The following UQCRC2 variants were observed in gnomAD, a reference collection of about 807,000 sequenced individuals.
UQCRC2 encodes ubiquinol-cytochrome c reductase core protein 2, also known as cytochrome b-c1 complex subunit 2, mitochondrial.
Under a neutral mutation model 55.6 loss-of-function variants are expected in UQCRC2, and 49 were observed. That is an observed-to-expected ratio of 0.88 (90% CI 0.70 to 1.12). The LOEUF is 1.12. UQCRC2 is among the 50% of genes most tolerant of loss of function. UQCRC2 has a pLI of 0.00. For synonymous variants in UQCRC2, 193 were observed against 192.0 expected (o/e 1.01, Z -0.04); for missense variants, 506 against 547.8 (o/e 0.92, Z 0.76).
chr16:21,980,789 G>A, intron 13 of UQCRC2, 89 bp downstream of exon 13: 2 of 1,487,526 alleles, frequency 1.3e-6, no homozygotes, highest in Admixed American at 1.9e-5. Flanking sequence ...TCCTTGGGCA[G>A]TGTATTATTC....
At chr16:21,972,246 G>T in intron 10 of UQCRC2, 124 bp downstream of exon 10, 1 of 1,263,526 alleles carries the variant, frequency 7.9e-7, no homozygotes, top group Non-Finnish European at 1.1e-6. Context: ...CAATTGAAGA[G>T]ATAGCCAGGC....
intron 1 of UQCRC2, among the ~76,000 whole-genome samples, chr16:21,954,889 CAAA>C (rs542091393): frequency 1.5e-5 from 2 of 129,656 alleles, no homozygotes; most frequent in Non-Finnish European, 3.4e-5. Flanking sequence ...ACTAAAAATA[CAAA>C]AAAAAAAAAA....
intron 1 of UQCRC2, 104 bp from the exon 2 acceptor site, chr16:21,957,131 A>C: frequency 9.6e-7 from 1 of 1,040,580 alleles, no homozygotes. Context: ...TGCTCCTTCC[A>C]CCCCCGAACA....
Position 21,973,756 on chromosome 16 carries a change from G to A in UQCRC2, c.967-140G>A, listed in dbSNP as rs190761094. The A allele has an allele frequency of 7.8e-4, 543 of 696,550 alleles. 3 individuals are homozygous for A. The highest frequency in any genetic ancestry group is 6.1e-3 in the Middle Eastern group (16 of 2,632). 43.1% of individuals were successfully genotyped at this position (696,550 alleles called of 1,614,324 possible). On this transcript the variant is annotated intron_variant, in intron 10 of 13. Coordinates refer to ENST00000268379, the MANE Select transcript of UQCRC2 (RefSeq NM_003366.4). ...ACCTATTTACAGAATACTTCAGTTC[G>A]TGACAGAACTGGCTAAGTAAAATAT...
chr16:21,976,404 G>A, intron 12 of UQCRC2, 161 bp downstream of exon 12: 2 of 629,250 alleles, frequency 3.2e-6, no homozygotes, highest in Admixed American at 6.4e-5. Context: ...AGATATAATT[G>A]TTAACATTTT....
At chr16:21,980,816 T>C in intron 13 of UQCRC2, 116 bp downstream of exon 13, 3 of 1,245,182 alleles carry the variant, frequency 2.4e-6, no homozygotes, top group Non-Finnish European at 3.3e-6. Flanking sequence ...TTGGTGCTCA[T>C]CTACTTAATG....
rs1567482511 is a variant in UQCRC2 at position 21,983,345 on chromosome 16, T to TAA, written c.*175_*176dup. On this transcript the variant is annotated 3_prime_UTR_variant, in exon 14 of 14. Coordinates refer to ENST00000268379, the MANE Select transcript of UQCRC2 (RefSeq NM_003366.4). Reference sequence around the variant, plus strand: ...CCTAAAGTCAATAAAACATTCTGTTTAAGTGTTTTTCTTACGTTTTTCTCA... The same window carrying TAA: ...CCTAAAGTCAATAAAACATTCTGTTTAAAAGTGTTTTTCTTACGTTTTTCTCA... 1.8e-6 allele frequency: 1 copy of TAA among 558,096 alleles called. No homozygotes were observed. The highest frequency in any genetic ancestry group is 3.1e-6 in the Non-Finnish European group (1 of 324,124). The allele number at this position is 558,096 out of a possible 1,614,324, so 34.6% of individuals were successfully genotyped here.
At chr16:21,956,482 T>C (rs1898088508) in intron 1 of UQCRC2, among the ~76,000 whole-genome samples, 2 of 152,098 alleles carry the variant, frequency 1.3e-5, no homozygotes. Flanking sequence ...AGGCAGACAT[T>C]GCAATGACCC....
At chr16:21,960,263 T>C (rs1898169490) in intron 4 of UQCRC2, among the ~76,000 whole-genome samples, 1 of 152,202 alleles carries the variant, frequency 6.6e-6, no homozygotes, top group South Asian at 2.1e-4. Context: ...GCTTCTATAT[T>C]AGCATTTGCT....
At position 21,953,367 on chromosome 16, in the gene UQCRC2, C is replaced by T. The variant is rs1898041858; in HGVS notation, c.-57C>T. On this transcript the variant is annotated 5_prime_UTR_variant, in exon 1 of 14. Transcript: ENST00000268379. ...ACGCTGGGAAACTCCCGGCCTCCGC[C>T]ACCATCTTGCTTTCCTTTAATCCGG... 1 of 1,599,416 alleles carries T rather than the reference C, an allele frequency of 6.3e-7. No individual in the cohort carries two copies. Among genetic ancestry groups the T allele is most frequent in the Non-Finnish European group, 8.5e-7 (1 of 1,172,896 alleles).
In UQCRC2 at chr16:21,980,716, C is replaced by T. The variant is rs1461075352; in HGVS notation, c.1278+16C>T. Reference sequence around the variant, plus strand: ...TATCATAAATGTAAGTAAATGAAAACTTAACGATTTAACAACAGAGAACTT... The same window carrying T: ...TATCATAAATGTAAGTAAATGAAAATTTAACGATTTAACAACAGAGAACTT... On this transcript the variant is annotated intron_variant, in intron 13 of 13. Coordinates refer to ENST00000268379, the MANE Select transcript of UQCRC2 (RefSeq NM_003366.4). The T allele has an allele frequency of 6.2e-7, 1 of 1,612,162 alleles. No homozygotes were observed.
intron 6 of UQCRC2, 28 bp from the exon 7 acceptor site, chr16:21,965,380 C>T (rs747187744): frequency 6.3e-7 from 1 of 1,599,896 alleles, no homozygotes; most frequent in Admixed American, 1.7e-5. Flanking sequence ...AGTGCATTTC[C>T]CTAAATGCTT....
chr16:21,967,022 T>A (rs1444375063), intron 7 of UQCRC2, among the ~76,000 whole-genome samples: 1 of 152,194 alleles, frequency 6.6e-6, no homozygotes, highest in Non-Finnish European at 1.5e-5. Context: ...TTTTTTTTAA[T>A]AAAAGGTATG....
chr16:21,954,311 CAGT>C (rs1177037936), intron 1 of UQCRC2, among the ~76,000 whole-genome samples: 3 of 152,156 alleles, frequency 2.0e-5, no homozygotes, highest in African/African-American at 4.8e-5. Context: ...CCCCAAGTGC[CAGT>C]AGTAGTACCT....
chr16:21,963,408 T>G (rs1898250965), intron 6 of UQCRC2, among the ~76,000 whole-genome samples: 1 of 152,212 alleles, frequency 6.6e-6, no homozygotes, highest in African/African-American at 2.4e-5. Flanking sequence ...TGATGGTAAG[T>G]AAATTGTTTG....
chr16:21,966,150 C>CA (rs113873072), intron 7 of UQCRC2, among the ~76,000 whole-genome samples: 12,369 of 140,248 alleles, frequency 0.088, 740 homozygotes, highest in South Asian at 0.31. Flanking sequence ...CCTGTCTCTA[C>CA]AAAAAAAAAA....
At chr16:21,969,885 T>A (rs1301247462) in intron 8 of UQCRC2, among the ~76,000 whole-genome samples, 2 of 151,722 alleles carry the variant, frequency 1.3e-5, no homozygotes, top group East Asian at 3.9e-4. Flanking sequence ...TTTTTTTTTT[T>A]AAAGAGATGG....
intron 11 of UQCRC2, among the ~76,000 whole-genome samples, chr16:21,975,090 G>A (rs1055495064): frequency 6.6e-5 from 10 of 152,180 alleles, no homozygotes; most frequent in African/African-American, 2.4e-4. Flanking sequence ...GCATTCAGAA[G>A]CCTAATAGAG....
At chr16:21,958,388 C>G (rs1597950469) in intron 3 of UQCRC2, 147 bp from the exon 4 acceptor site, 1 of 712,696 alleles carries the variant, frequency 1.4e-6, no homozygotes, top group African/African-American at 1.8e-5. Flanking sequence ...TTTTGTTGAG[C>G]CTTGTTTTAT....
Sources: allele counts gnomAD v4.1 joint callset (sites outside exome capture counted in the v4.1 genomes callset), GRCh38; gene constraint gnomAD v4.1.1; transcripts MANE v1.5; gene names NCBI Gene and HGNC (gene_info 2026-07-23, HGNC 2026-07-21).